Variants in NIPSNAP3A observed in about 807,000 individuals in gnomAD.
NIPSNAP3A encodes the protein protein NipSnap homolog 3A.
A neutral mutation model predicts 32.3 loss-of-function variants in NIPSNAP3A; 27 were observed. The ratio of observed to expected loss-of-function variants is 0.84; its 90% confidence interval spans 0.62 to 1.15. The LOEUF (loss-of-function observed/expected upper bound fraction) is 1.15, where lower values mean the gene tolerates loss of function less well. Ranked by LOEUF, NIPSNAP3A falls within the 50% of genes most tolerant of loss-of-function variation. NIPSNAP3A has a pLI of 0.00. For missense variants in NIPSNAP3A, 278 were observed against 297.2 expected, an observed-to-expected ratio of 0.94 and a Z score of 0.48; for synonymous variants, 108 against 107.3, an observed-to-expected ratio of 1.01 and a Z score of -0.04.
rs187033127 is a variant in NIPSNAP3A at position 104,748,187 on chromosome 9, C to T, written c.60+335C>T. ...TTTTTGCTGCCCAGCTATGTCGCGGCTGCGGCCCAGCGAGCGCTCCCATGT... is the reference window on the plus strand; with the variant it reads ...TTTTTGCTGCCCAGCTATGTCGCGGTTGCGGCCCAGCGAGCGCTCCCATGT... On this transcript the variant is annotated intron_variant, in intron 1 of 5. Transcript: ENST00000374767. 2.8e-4 allele frequency among the ~76,000 whole-genome samples: 42 copies of T among 152,342 alleles called. No homozygotes were observed. In the East Asian group the frequency reaches 7.9e-3, roughly 29 times the overall value.
chr9:104,749,790 G>A (rs1827823969), intron 1 of NIPSNAP3A, among the ~76,000 whole-genome samples: 1 of 152,148 alleles, frequency 6.6e-6, no homozygotes, highest in African/African-American at 2.4e-5. Context: ...TTTACAGTGC[G>A]TGTATGACTA....
chr9:104,747,761 C>A lies in NIPSNAP3A; in HGVS notation c.-32C>A. On this transcript the variant is annotated 5_prime_UTR_variant, in exon 1 of 6. In the 5' UTR this introduces an upstream ATG that the reference lacks. Transcript: ENST00000374767. ...CAGAGGAGTCTCAGAAAGGACACGG[C>A]TGGCTGCTTTTCTCAGCGCCGAAGC... 1.3e-6 allele frequency: 2 copies of A among 1,597,942 alleles called. No individual in the cohort carries two copies. The highest frequency in any genetic ancestry group is 1.1e-5 in the South Asian group (1 of 89,092).
intron 2 of NIPSNAP3A, 88 bp from the exon 3 acceptor site, chr9:104,752,818 G>T: frequency 9.2e-7 from 1 of 1,086,008 alleles, no homozygotes; most frequent in South Asian, 1.3e-5. Flanking sequence ...TGGCATCAAT[G>T]ACCATTGCTG....
At chr9:104,749,409 A>G (rs550439791) in intron 1 of NIPSNAP3A, among the ~76,000 whole-genome samples, 51 of 152,360 alleles carry the variant, frequency 3.3e-4, no homozygotes, top group Middle Eastern at 6.8e-3. Context: ...CTTATCATAC[A>G]CAGTTACATA....
intron 2 of NIPSNAP3A, among the ~76,000 whole-genome samples, chr9:104,751,862 G>A (rs1827852193): frequency 6.6e-6 from 1 of 152,134 alleles, no homozygotes; most frequent in African/African-American, 2.4e-5. Flanking sequence ...GTAGAGGAAG[G>A]AGAATAAGTT....
chr9:104,755,807 T>C (rs1827899643), intron 4 of NIPSNAP3A, among the ~76,000 whole-genome samples: 4 of 151,956 alleles, frequency 2.6e-5, no homozygotes. Flanking sequence ...TAGTCCTAGC[T>C]ACTTGGGAGG....
chr9:104,754,764 T>G, intron 4 of NIPSNAP3A, 64 bp downstream of exon 4: 1 of 1,304,222 alleles, frequency 7.7e-7, no homozygotes, highest in Non-Finnish European at 1.1e-6. Context: ...GTTCCTTGGG[T>G]CAGGTTCTTT....
Position 104,760,120 on chromosome 9 carries a change from C to A in NIPSNAP3A, c.*782C>A, listed in dbSNP as rs1325750703. On this transcript the variant is annotated 3_prime_UTR_variant, in exon 6 of 6. Transcript: ENST00000374767. ...TTGCCCTAATAAAAGCCTACATATACCTTCTGGTTCTTTTTGTTGAGTTTT... is the reference window on the plus strand; with the variant it reads ...TTGCCCTAATAAAAGCCTACATATAACTTCTGGTTCTTTTTGTTGAGTTTT... 1 of 152,096 alleles carries A rather than the reference C, an allele frequency of 6.6e-6. No individual in the cohort carries two copies. Among genetic ancestry groups the A allele is most frequent in the East Asian group, 1.9e-4 (1 of 5,198 alleles). 9.4% of individuals were successfully genotyped at this position (152,096 alleles called of 1,614,324 possible).
At chr9:104,757,593 G>A (rs1237901466) in intron 4 of NIPSNAP3A, among the ~76,000 whole-genome samples, 2 of 152,110 alleles carry the variant, frequency 1.3e-5, no homozygotes, top group Non-Finnish European at 2.9e-5. Flanking sequence ...TGAAGTTTAT[G>A]TTAATATTGT....
chr9:104,753,331 T>A (rs1006943412), intron 3 of NIPSNAP3A, among the ~76,000 whole-genome samples: 1 of 152,174 alleles, frequency 6.6e-6, no homozygotes, highest in African/African-American at 2.4e-5. Context: ...ACATGGTCAG[T>A]AGAGGTTGAG....
In NIPSNAP3A at chr9:104,751,118, G is replaced by A. The variant is rs1304667454; in HGVS notation, c.223G>A (p.Val75Ile). ...CTCTGAATTGGTTGGATACTGGAGT[G>A]TAGAATTTGGAGGCAGAATGAATAC... ...AHSELVGYWS[V>I]EFGGRMNTVF... The change falls in exon 2 of 6, where the codon GTA becomes ATA. Residue 75 changes from valine to isoleucine, a missense_variant. Transcript: ENST00000374767. The A allele has an allele frequency of 6.2e-7, 1 of 1,613,906 alleles. No homozygotes were observed. The highest frequency in any genetic ancestry group is 1.3e-5 in the African/African-American group (1 of 74,914).
chr9:104,752,521 C>T (rs2118752070), intron 2 of NIPSNAP3A, among the ~76,000 whole-genome samples: 1 of 152,246 alleles, frequency 6.6e-6, no homozygotes, highest in Non-Finnish European at 1.5e-5. Flanking sequence ...TAACTAGTGC[C>T]AACCGCTATA....
At chr9:104,754,031 T>C (rs1827877292) in intron 3 of NIPSNAP3A, 1 of 153,132 alleles carries the variant, frequency 6.5e-6, no homozygotes, top group Non-Finnish European at 1.5e-5. Flanking sequence ...TCTTTAGGTT[T>C]GTCTTTTTTC....
chr9:104,752,422 C>G (rs1186909884), intron 2 of NIPSNAP3A, among the ~76,000 whole-genome samples: 2 of 152,030 alleles, frequency 1.3e-5, no homozygotes, highest in Non-Finnish European at 2.9e-5. Flanking sequence ...GACTACCCAC[C>G]ACCACCAAAG....
At chr9:104,755,946 G>A (rs954413888) in intron 4 of NIPSNAP3A, among the ~76,000 whole-genome samples, 1 of 151,824 alleles carries the variant, frequency 6.6e-6, no homozygotes, top group Non-Finnish European at 1.5e-5. Flanking sequence ...ACGAAGAAAG[G>A]ATAAATGTCT....
At chr9:104,755,105 G>A (rs1203414354) in intron 4 of NIPSNAP3A, among the ~76,000 whole-genome samples, 2 of 152,086 alleles carry the variant, frequency 1.3e-5, no homozygotes, top group African/African-American at 4.8e-5. Context: ...GCCAGGCATG[G>A]TGGTGGGGGC....
Position 104,753,052 on chromosome 9 carries a change from C to A in NIPSNAP3A, c.418C>A (p.Pro140Thr), listed in dbSNP as rs760916589. The A allele has an allele frequency of 6.2e-7, 1 of 1,613,102 alleles. No individual in the cohort carries two copies. The highest frequency in any genetic ancestry group is 8.5e-7 in the Non-Finnish European group (1 of 1,179,218). ...GGTACCATGGTGCAAATTAGAAAAA[C>A]CTCCAAAAGAAGGTAAGTCCTTCCT... ...YLVPWCKLEK[P>T]PKEGVYELAT... The change falls in exon 3 of 6, where the codon CCT (proline) becomes ACT (threonine). Residue 140 changes from proline to threonine, a missense_variant. Pro to Thr is a conservative substitution (Grantham distance 38). Transcript: ENST00000374767.
At chr9:104,755,982 G>A (rs1827901788) in intron 4 of NIPSNAP3A, among the ~76,000 whole-genome samples, 1 of 151,862 alleles carries the variant, frequency 6.6e-6, no homozygotes, top group Non-Finnish European at 1.5e-5. Context: ...ATATTTGAAA[G>A]ACTCATCATA....
At chr9:104,751,552 G>A (rs1309651487) in intron 2 of NIPSNAP3A, among the ~76,000 whole-genome samples, 1 of 152,174 alleles carries the variant, frequency 6.6e-6, no homozygotes, top group Non-Finnish European at 1.5e-5. Flanking sequence ...ATCACAAAAG[G>A]AAAGGAGAAG....
Sources: gnomAD v4.1 joint callset for allele counts (sites outside exome capture counted in the v4.1 genomes callset) on GRCh38, gnomAD v4.1.1 for gene constraint, MANE v1.5 for transcripts, NCBI Gene and HGNC (gene_info 2026-07-23, HGNC 2026-07-21) for gene names.